The following PKIB variants were observed in gnomAD, a reference collection of about 807,000 sequenced individuals.
PKIB encodes the protein PKI-beta.
Under a neutral mutation model 4.5 loss-of-function variants are expected in PKIB, and 2 were observed. The ratio of observed to expected loss-of-function variants is 0.44; its 90% confidence interval spans 0.18 to 1.39. The LOEUF (loss-of-function observed/expected upper bound fraction) is 1.39, where lower values mean the gene tolerates loss of function less well. Ranked by LOEUF, PKIB falls within the 40% of genes most tolerant of loss-of-function variation. PKIB has a pLI of 0.27. For missense variants in PKIB, 94 were observed against 92.6 expected (o/e 1.02, Z -0.06); for synonymous variants, 38 against 36.0 (o/e 1.06, Z -0.20).
At chr6:122,701,534 A>G (rs2115028182) in intron 3 of PKIB, 1 of 1,584,774 alleles carries the variant, frequency 6.3e-7, no homozygotes, top group African/African-American at 1.3e-5. Context: ...CTTGGGGACA[A>G]GAGCATTGCA....
intron 2 of PKIB, among the ~76,000 whole-genome samples, chr6:122,668,721 T>C (rs1450864445): frequency 1.3e-5 from 2 of 152,216 alleles, no homozygotes; most frequent in Non-Finnish European, 2.9e-5. Context: ...GGAATGCTGA[T>C]GACCTTCCAG....
At chr6:122,703,546 A>G (rs1778919027) in intron 3 of PKIB, among the ~76,000 whole-genome samples, 1 of 152,050 alleles carries the variant, frequency 6.6e-6, no homozygotes, top group Non-Finnish European at 1.5e-5. Context: ...ACAATGAACT[A>G]AACTTGAAAA....
intron 2 of PKIB, among the ~76,000 whole-genome samples, chr6:122,557,591 C>A (rs1249125379): frequency 6.6e-6 from 1 of 152,192 alleles, no homozygotes; most frequent in East Asian, 1.9e-4. Flanking sequence ...GACAAAGTGA[C>A]AAAACCAAGG....
chr6:122,487,922 A>G (rs1775816399), intron 2 of PKIB, among the ~76,000 whole-genome samples: 1 of 152,128 alleles, frequency 6.6e-6, no homozygotes, highest in South Asian at 2.1e-4. Context: ...GATTTGTCCC[A>G]TTACTGATGA....
At position 122,723,626 on chromosome 6, in the gene PKIB, C is replaced by T. The variant is rs529831147; in HGVS notation, c.170-1502C>T. 1.7e-4 allele frequency among the ~76,000 whole-genome samples: 26 copies of T among 152,180 alleles called. 1 individual carries two copies. The East Asian group carries it at 1.9e-3, about 11-fold the overall frequency. On this transcript the variant is annotated intron_variant, in intron 4 of 4. Coordinates refer to ENST00000368452, the MANE Select transcript of PKIB (RefSeq NM_181795.3). ...ATTCCAATTTTCTCTACCACTGTCC[C>T]GCTTGCAAATCCTTCCTGCATATTA... is the stretch of plus-strand genomic sequence containing the variant.
chr6:122,561,454 C>A (rs749916639), intron 2 of PKIB, among the ~76,000 whole-genome samples: 3 of 151,754 alleles, frequency 2.0e-5, no homozygotes, highest in Non-Finnish European at 2.9e-5. Flanking sequence ...TATTGAGGCT[C>A]ATTTTTGGCC....
At chr6:122,627,870 G>A (rs1026167641) in intron 1 of PKIB, among the ~76,000 whole-genome samples, 10 of 151,768 alleles carry the variant, frequency 6.6e-5, no homozygotes, top group African/African-American at 1.9e-4. Flanking sequence ...AAAAGAACAT[G>A]ATTTAATTTA....
At chr6:122,646,120 G>T (rs1776306597) in intron 2 of PKIB, among the ~76,000 whole-genome samples, 1 of 152,114 alleles carries the variant, frequency 6.6e-6, no homozygotes, top group Non-Finnish European at 1.5e-5. Flanking sequence ...TTAGGAAGAG[G>T]TTATCTATCT....
chr6:122,561,351 G>C (rs1008370217), intron 2 of PKIB, among the ~76,000 whole-genome samples: 57 of 152,058 alleles, frequency 3.7e-4, no homozygotes, highest in African/African-American at 1.4e-3. Flanking sequence ...GCATGGTTCT[G>C]AAGGTTCCTT....
chr6:122,613,142 A>G (rs369085241), intron 1 of PKIB, among the ~76,000 whole-genome samples: 1 of 152,194 alleles, frequency 6.6e-6, no homozygotes, highest in South Asian at 2.1e-4. Flanking sequence ...ATTAATGTCA[A>G]TTGAAAATGA....
At position 122,707,212 on chromosome 6, in the gene PKIB, A is replaced by G. The variant is rs538530639; in HGVS notation, c.-8-10575A>G. Among the ~76,000 whole-genome samples the G allele has an allele frequency of 5.3e-4, 81 of 152,046 alleles. 2 individuals are homozygous for G. The South Asian group carries it at 0.016, about 30-fold the overall frequency. On this transcript the variant is annotated intron_variant, in intron 3 of 4. Transcript: ENST00000368452. ...CTTTGGTTGGGATTTTTTTTCCTCT[A>G]TGACCCAGAAAAATTCTCAAAACTA...
intron 2 of PKIB, among the ~76,000 whole-genome samples, chr6:122,662,217 T>G (rs1777017319): frequency 6.6e-6 from 1 of 151,472 alleles, no homozygotes; most frequent in Admixed American, 6.6e-5. Flanking sequence ...ATTTATCAAT[T>G]TTTTTTGTCA....
chr6:122,702,752 G>A (rs1778878689), intron 3 of PKIB, among the ~76,000 whole-genome samples: 1 of 151,928 alleles, frequency 6.6e-6, no homozygotes, highest in Non-Finnish European at 1.5e-5. Context: ...TTTAAATATT[G>A]GAATTTTTCG....
chr6:122,704,629 C>T (rs183491146), intron 3 of PKIB, among the ~76,000 whole-genome samples: 1 of 152,020 alleles, frequency 6.6e-6, no homozygotes. Flanking sequence ...GATGGATATA[C>T]ACAGAAGACC....
chr6:122,701,350 C>T (rs1156571993), intron 3 of PKIB: 153 of 1,042,140 alleles, frequency 1.5e-4, no homozygotes, highest in Middle Eastern at 8.3e-4. Flanking sequence ...CCAGGCTAGA[C>T]ATGGTGATCA....
intron 2 of PKIB, among the ~76,000 whole-genome samples, chr6:122,642,371 G>A (rs1431495159): frequency 1.3e-5 from 2 of 152,160 alleles, no homozygotes; most frequent in Non-Finnish European, 2.9e-5. Flanking sequence ...CTAGTTCATT[G>A]TTCTGTTTGT....
intron 3 of PKIB, among the ~76,000 whole-genome samples, chr6:122,682,538 TGAG>T (rs1386088875): frequency 2.0e-5 from 3 of 152,204 alleles, no homozygotes; most frequent in South Asian, 2.1e-4. Flanking sequence ...TTTTTCAACT[TGAG>T]GGGTTATTTT....
At chr6:122,504,408 A>G (rs1206648498) in intron 2 of PKIB, among the ~76,000 whole-genome samples, 1 of 152,188 alleles carries the variant, frequency 6.6e-6, no homozygotes, top group Non-Finnish European at 1.5e-5. Context: ...TTAATGAGGC[A>G]TGTTTTATTT....
intron 2 of PKIB, among the ~76,000 whole-genome samples, chr6:122,663,257 T>C (rs560254309): frequency 1.3e-4 from 20 of 152,330 alleles, no homozygotes; most frequent in African/African-American, 4.8e-4. Flanking sequence ...GTTTTGCTTA[T>C]CTTAGGAATT....
Sources: allele counts gnomAD v4.1 joint callset (sites outside exome capture counted in the v4.1 genomes callset), GRCh38; gene constraint gnomAD v4.1.1; transcripts MANE v1.5; gene names NCBI Gene and HGNC (gene_info 2026-07-23, HGNC 2026-07-21).